Variants in PIGL observed in about 807,000 individuals in gnomAD.
PIGL encodes the protein phosphatidylinositol glycan anchor biosynthesis class L, also known as N-acetylglucosaminyl-phosphatidylinositol de-N-acetylase.
A neutral mutation model predicts 31.1 loss-of-function variants in PIGL; 22 were observed. The observed-to-expected ratio is 0.71, with a 90% confidence interval of 0.51 to 1.01. The LOEUF (loss-of-function observed/expected upper bound fraction) is 1.01, where lower values mean the gene tolerates loss of function less well. Among genes scored for constraint, PIGL ranks in the 50% least tolerant of loss-of-function variants. The pLI, the probability that PIGL is intolerant of heterozygous loss-of-function variation, is 0.00. For synonymous variants in PIGL, 131 were observed against 117.4 expected (o/e 1.12, Z -0.75); for missense variants, 302 against 315.9 (o/e 0.96, Z 0.33).
At chr17:16,269,819 G>A (rs1414661332) in intron 2 of PIGL, among the ~76,000 whole-genome samples, 1 of 152,066 alleles carries the variant, frequency 6.6e-6, no homozygotes, top group Non-Finnish European at 1.5e-5. Context: ...GAACCTCTGG[G>A]CTGGAGTCTC....
intron 2 of PIGL, among the ~76,000 whole-genome samples, chr17:16,249,799 T>C (rs1289802635): frequency 4.6e-5 from 7 of 152,232 alleles, no homozygotes; most frequent in Non-Finnish European, 8.8e-5. Flanking sequence ...GTATTGTGCC[T>C]ACCTACATTG....
intron 2 of PIGL, among the ~76,000 whole-genome samples, chr17:16,238,268 A>G (rs1337558279): frequency 1.3e-5 from 2 of 151,798 alleles, no homozygotes; most frequent in African/African-American, 2.4e-5. Context: ...TGTATACTCA[A>G]AACAGTAAAT....
intron 4 of PIGL, among the ~76,000 whole-genome samples, chr17:16,314,572 G>A (rs778978919): frequency 1.3e-5 from 2 of 152,124 alleles, no homozygotes; most frequent in Admixed American, 6.5e-5. Context: ...GGTGGAAGAT[G>A]CTAGAATTTT....
At chr17:16,289,086 G>C (rs1261689178) in intron 2 of PIGL, among the ~76,000 whole-genome samples, 1 of 151,612 alleles carries the variant, frequency 6.6e-6, no homozygotes, top group Non-Finnish European at 1.5e-5. Flanking sequence ...TTTTTGAGCT[G>C]AGAAGGTCAG....
intron 3 of PIGL, chr17:16,300,310 C>T (rs2092999028): frequency 4.3e-6 from 1 of 230,120 alleles, no homozygotes; most frequent in Non-Finnish European, 8.6e-6. Flanking sequence ...CAGAGCCTGC[C>T]CAGTGATTCT....
rs12938878 is a variant in PIGL at position 16,313,291 on chromosome 17, A to C, written c.427-256A>C. ...AACAAAGATATTCTGAACCCAAGTT[A>C]CTATCATGGCTGAATTCCACTCTGC... On this transcript the variant is annotated intron_variant, in intron 3 of 6. Transcript: ENST00000225609. Among the ~76,000 whole-genome samples the C allele has an allele frequency of 0.47, 71,822 of 152,076 alleles. 17,387 individuals carry two copies. Among genetic ancestry groups the C allele is most frequent in the Middle Eastern group, 0.55 (162 of 294 alleles).
chr17:16,310,286 AGTGTGTGTGTGT>A (rs10522327), intron 3 of PIGL, among the ~76,000 whole-genome samples: 43,163 of 146,270 alleles, frequency 0.3, 7,549 homozygotes, highest in Non-Finnish European at 0.41. Flanking sequence ...ATTATTAAAA[AGTGTGTGTGTGT>A]GTGTGTGTGT....
At position 16,294,393 on chromosome 17, in the gene PIGL, G is replaced by C. The variant is rs146076489; in HGVS notation, c.336-5495G>C. The stretch of plus-strand genomic sequence containing the variant: ...GGGGTGAAACTGGCTATTAACCCTT[G>C]CCATGTCTCCCTTCCCTGAGCCTTG... On this transcript the variant is annotated intron_variant, in intron 2 of 6. Coordinates refer to ENST00000225609, the MANE Select transcript of PIGL (RefSeq NM_004278.4). Among the ~76,000 whole-genome samples the C allele has an allele frequency of 8.4e-4, 128 of 152,194 alleles. 3 individuals carry two copies. The highest frequency in any genetic ancestry group is 3.0e-3 in the African/African-American group (124 of 41,538).
intron 2 of PIGL, among the ~76,000 whole-genome samples, chr17:16,287,516 G>A (rs1600825795): frequency 6.6e-6 from 1 of 152,202 alleles, no homozygotes; most frequent in Non-Finnish European, 1.5e-5. Context: ...TCCTAGGGGA[G>A]CTGAGACTCG....
chr17:16,230,629 T>C (rs1015062705), intron 1 of PIGL, among the ~76,000 whole-genome samples: 1 of 152,020 alleles, frequency 6.6e-6, no homozygotes, highest in African/African-American at 2.4e-5. Context: ...TCACTTTTTT[T>C]TTTTTTTGAG....
chr17:16,233,979 T>C lies in PIGL; in HGVS notation c.244T>C (p.Tyr82His). 6.3e-7 allele frequency: 1 copy of C among 1,598,954 alleles called. No homozygotes were observed. The highest frequency in any genetic ancestry group is 8.6e-7 in the Non-Finnish European group (1 of 1,166,832). ...ATATTTGTTACCCTCAGGAAATTACTACAATCAAGGAGAGACTCGTAAGAA... is the reference window on the plus strand; with the variant it reads ...ATATTTGTTACCCTCAGGAAATTACCACAATCAAGGAGAGACTCGTAAGAA... ...YLLCFSAGNY[Y>H]NQGETRKKEL... The change falls in exon 2 of 7, where the codon TAC becomes CAC. Residue 82 changes from tyrosine to histidine, a missense_variant. Tyr to His is a moderately conservative substitution (Grantham distance 83). Transcript: ENST00000225609.
chr17:16,257,307 C>T (rs1227698568), intron 2 of PIGL, among the ~76,000 whole-genome samples: 4 of 152,100 alleles, frequency 2.6e-5, no homozygotes, highest in African/African-American at 9.7e-5. Flanking sequence ...ATCCCAGCTA[C>T]TCAGGAGGCT....
chr17:16,238,909 C>CAA (rs892510303), intron 2 of PIGL, among the ~76,000 whole-genome samples: 1,393 of 75,284 alleles, frequency 0.019, 45 homozygotes, highest in African/African-American at 0.069. Context: ...GACCCCGTCT[C>CAA]AAAAAAAAAA....
At chr17:16,299,780 C>T in intron 2 of PIGL, 108 bp from the exon 3 acceptor site, 1 of 788,920 alleles carries the variant, frequency 1.3e-6, no homozygotes, top group East Asian at 2.5e-5. Context: ...GGCAGGGACC[C>T]TTACCCCCAA....
Position 16,258,560 on chromosome 17 carries a change from A to G in PIGL, c.335+24490A>G, listed in dbSNP as rs2092806871. On this transcript the variant is annotated intron_variant, in intron 2 of 6. Transcript: ENST00000225609. ...CTGCTGTTGCCCAGGCTGGAGTGCA[A>G]TGGTGCAATCTCAGCTCACTGCAAC... Among the ~76,000 whole-genome samples, 4 of 150,934 alleles carry G rather than the reference A, an allele frequency of 2.7e-5. No individual in the cohort carries two copies. The South Asian group carries it at 8.4e-4, about 32-fold the overall frequency.
chr17:16,220,153 T>C (rs146464697), intron 1 of PIGL, among the ~76,000 whole-genome samples: 2,167 of 151,846 alleles, frequency 0.014, 54 homozygotes, highest in African/African-American at 0.05. Flanking sequence ...ATCAAAACCA[T>C]CTTGGCCAAC....
At chr17:16,294,995 G>A (rs978965751) in intron 2 of PIGL, among the ~76,000 whole-genome samples, 1 of 152,148 alleles carries the variant, frequency 6.6e-6, no homozygotes, top group African/African-American at 2.4e-5. Flanking sequence ...CATACAGTGG[G>A]TAAACAGGTC....
chr17:16,308,387 T>C (rs541773934), intron 3 of PIGL, among the ~76,000 whole-genome samples: 7 of 152,186 alleles, frequency 4.6e-5, no homozygotes, highest in Non-Finnish European at 8.8e-5. Context: ...AGGGGGATAG[T>C]AGTGTCTTCT....
chr17:16,260,254 C>T (rs900849718), intron 2 of PIGL, among the ~76,000 whole-genome samples: 3 of 152,208 alleles, frequency 2.0e-5, no homozygotes, highest in African/African-American at 4.8e-5. Context: ...GGGGCAGGTG[C>T]CCGATGAAGC....
Sources: gnomAD v4.1 joint callset for allele counts (sites outside exome capture counted in the v4.1 genomes callset) on GRCh38, gnomAD v4.1.1 for gene constraint, MANE v1.5 for transcripts, NCBI Gene and HGNC (gene_info 2026-07-23, HGNC 2026-07-21) for gene names.